SLA: variants seen among roughly 807,000 people sequenced by gnomAD.
The protein encoded by SLA is Src like adaptor, also known as src-like-adapter.
A neutral mutation model predicts 30.3 loss-of-function variants in SLA; 16 were observed. The observed-to-expected ratio is 0.53, with a 90% CI of 0.36 to 0.80. The LOEUF is 0.80. Among genes scored for constraint, SLA ranks in the 30% least tolerant of loss-of-function variants. The pLI is 0.01. For synonymous variants in SLA, 143 were observed against 137.8 expected (o/e 1.04, Z -0.26); for missense variants, 310 against 345.2 (o/e 0.90, Z 0.81).
intron 1 of SLA, among the ~76,000 whole-genome samples, chr8:133,081,152 A>G (rs971393770): frequency 4.5e-4 from 69 of 152,276 alleles, no homozygotes; most frequent in Non-Finnish European, 5.9e-5. Context: ...CGCAAGGCGC[A>G]TAGGACGGGA....
chr8:133,069,864 TG>T (rs1943839171), intron 2 of SLA, among the ~76,000 whole-genome samples: 1 of 150,650 alleles, frequency 6.6e-6, no homozygotes, highest in African/African-American at 2.4e-5. Flanking sequence ...CAGCTGGGCG[TG>T]GTGGCAGGTG....
chr8:133,064,631 G>C (rs185372841), intron 2 of SLA, among the ~76,000 whole-genome samples: 147 of 152,336 alleles, frequency 9.6e-4, no homozygotes, highest in African/African-American at 3.4e-3. Context: ...CAGAAACATG[G>C]CATGGAGAGG....
chr8:133,071,292 T>G lies in SLA; in HGVS notation c.-41+3561A>C, dbSNP rs552082314. On this transcript the variant is annotated intron_variant, in intron 2 of 8. Coordinates refer to ENST00000338087, the MANE Select transcript of SLA (RefSeq NM_001045556.3). ...AACCGGGGAAACCAAGGCCAGAGCA[T>G]TCACATAATGTGTCGGAGTTTGCCC... is the stretch of plus-strand genomic sequence containing the variant. Among the ~76,000 whole-genome samples the G allele has an allele frequency of 3.1e-4, 47 of 152,338 alleles. 3 individuals are homozygous for G. The South Asian group carries it at 9.3e-3, about 30-fold the overall frequency.
chr8:133,040,329 T>A, intron 7 of SLA, 199 bp from the exon 8 acceptor site: 1 of 601,452 alleles, frequency 1.7e-6, no homozygotes, highest in Non-Finnish European at 2.9e-6. Flanking sequence ...AAGCGTGCCC[T>A]GGTATACTCT....
chr8:133,043,092 C>T (rs1410866057), intron 7 of SLA, among the ~76,000 whole-genome samples: 1 of 152,128 alleles, frequency 6.6e-6, no homozygotes, highest in Non-Finnish European at 1.5e-5. Context: ...CCGGTTTTTA[C>T]CCTTTTCAGT....
At chr8:133,099,837 TCTG>T (rs1181502458) in intron 1 of SLA, among the ~76,000 whole-genome samples, 5 of 152,168 alleles carry the variant, frequency 3.3e-5, no homozygotes, top group African/African-American at 9.7e-5. Context: ...CCCTACCTCT[TCTG>T]CTATCACCCT....
intron 7 of SLA, among the ~76,000 whole-genome samples, chr8:133,040,786 A>G (rs1334612613): frequency 6.6e-6 from 1 of 152,208 alleles, no homozygotes; most frequent in Non-Finnish European, 1.5e-5. Context: ...AAAGTAGAAG[A>G]CACAGGAAGG....
intron 2 of SLA, among the ~76,000 whole-genome samples, chr8:133,066,267 A>G (rs13439049): frequency 0.27 from 39,125 of 146,354 alleles, 5,208 homozygotes; most frequent in South Asian, 0.31. Context: ...CAGAGCTTGC[A>G]GTGAGCTGAG....
At chr8:133,051,874 A>T (rs1034939966) in intron 3 of SLA, among the ~76,000 whole-genome samples, 3 of 152,210 alleles carry the variant, frequency 2.0e-5, no homozygotes, top group Admixed American at 2.0e-4. Context: ...CTTTGAACTT[A>T]AAATTCTGGG....
At chr8:133,097,088 G>C (rs954778589) in intron 1 of SLA, among the ~76,000 whole-genome samples, 1 of 152,246 alleles carries the variant, frequency 6.6e-6, no homozygotes, top group African/African-American at 2.4e-5. Context: ...AGCCCAGTGT[G>C]CATAAAGCAC....
intron 4 of SLA, 35 bp from the exon 5 acceptor site, chr8:133,050,023 A>G: frequency 7.3e-7 from 1 of 1,375,264 alleles, no homozygotes; most frequent in Non-Finnish European, 1.0e-6. Flanking sequence ...ACACAGAGAT[A>G]GGTAAATAGC....
chr8:133,073,764 G>A (rs1844439657), intron 2 of SLA, among the ~76,000 whole-genome samples: 1 of 152,010 alleles, frequency 6.6e-6, no homozygotes, highest in African/African-American at 2.4e-5. Context: ...GCATCCGCTT[G>A]TTCTCGCTGA....
chr8:133,064,517 C>G (rs1042383805), intron 2 of SLA, among the ~76,000 whole-genome samples: 1 of 152,140 alleles, frequency 6.6e-6, no homozygotes, highest in Non-Finnish European at 1.5e-5. Flanking sequence ...AGCTGGAAAC[C>G]TCACATCTCC....
intron 7 of SLA, among the ~76,000 whole-genome samples, chr8:133,040,737 A>G (rs1218891892): frequency 1.3e-5 from 2 of 152,126 alleles, no homozygotes; most frequent in Non-Finnish European, 2.9e-5. Flanking sequence ...CAAAAGTGAG[A>G]GGGAGAAGGA....
rs113718860 is a variant in SLA, at chr8:133,047,823, C to T, written c.352+7G>A. 2.7e-6 allele frequency: 4 copies of T among 1,464,468 alleles called. No individual in the cohort carries two copies. The African/African-American group carries it at 4.2e-5, about 15-fold the overall frequency. The allele number at this position is 1,464,468 out of a possible 1,614,324, so 90.7% of individuals were successfully genotyped here. A position where few individuals can be genotyped will look rare whatever the true frequency, so the allele number is the denominator to read the frequency against. On this transcript the variant is annotated splice_region_variant and intron_variant, in intron 6 of 8. Transcript: ENST00000338087. ...GGATGGGGAAAGATGAGTTGGGGGC[C>T]ACTCACCTTTCTTGGTCTCACTCTC...
chr8:133,072,456 A>G (rs1055760129), intron 2 of SLA, among the ~76,000 whole-genome samples: 2 of 152,140 alleles, frequency 1.3e-5, no homozygotes, highest in South Asian at 4.1e-4. Context: ...ATGGATAGAT[A>G]GATAGATGGA....
chr8:133,053,121 C>T (rs1408279630), intron 3 of SLA, among the ~76,000 whole-genome samples: 3 of 152,320 alleles, frequency 2.0e-5, no homozygotes, highest in East Asian at 3.9e-4. Flanking sequence ...GCTCTTCCCT[C>T]CTTCACCGTT....
intron 2 of SLA, among the ~76,000 whole-genome samples, chr8:133,065,381 C>T (rs1425393073): frequency 1.3e-5 from 2 of 152,258 alleles, no homozygotes; most frequent in Non-Finnish European, 2.9e-5. Flanking sequence ...TGTGCTCTAA[C>T]TCGCCACCAG....
intron 5 of SLA, chr8:133,049,187 C>T (rs750246033): frequency 2.2e-6 from 1 of 456,136 alleles, no homozygotes; most frequent in South Asian, 1.5e-5. Context: ...GGAACGACTA[C>T]AGGGGAAAGC....
Sources: gnomAD v4.1 joint callset for allele counts (sites outside exome capture counted in the v4.1 genomes callset) on GRCh38, gnomAD v4.1.1 for gene constraint, MANE v1.5 for transcripts, NCBI Gene and HGNC (gene_info 2026-07-23, HGNC 2026-07-21) for gene names.